Variants in CECR2 observed in about 807,000 individuals in gnomAD.
The protein encoded by CECR2 is CECR2 histone acetyl-lysine reader, also known as chromatin remodeling regulator CECR2.
Under a neutral mutation model 154.5 loss-of-function variants are expected in CECR2, and 30 were observed. The observed-to-expected ratio is 0.19, with a 90% CI of 0.15 to 0.26. The LOEUF is 0.26. Ranked by LOEUF, CECR2 falls within the 10% of genes least tolerant of loss-of-function variation. CECR2 has a pLI of 1.00. For missense variants in CECR2, 1,743 were observed against 1,829.3 expected, an observed-to-expected ratio of 0.95 and a Z score of 0.86; for synonymous variants, 725 against 683.7, an observed-to-expected ratio of 1.06 and a Z score of -0.94.
intron 1 of CECR2, among the ~76,000 whole-genome samples, chr22:17,445,406 A>C (rs1402692588): frequency 6.6e-6 from 1 of 152,116 alleles, no homozygotes; most frequent in Non-Finnish European, 1.5e-5. Flanking sequence ...CTTGCTGTTC[A>C]AAGTGCAGTC....
intron 8 of CECR2, among the ~76,000 whole-genome samples, chr22:17,514,547 C>T (rs2056016796): frequency 6.6e-6 from 1 of 152,160 alleles, no homozygotes. Context: ...AAAATTGCAG[C>T]CTAAGACAGT....
At chr22:17,524,347 G>T (rs758299930) in intron 9 of CECR2, 76 bp downstream of exon 9, 1 of 1,475,858 alleles carries the variant, frequency 6.8e-7, no homozygotes, top group Non-Finnish European at 9.2e-7. Context: ...GCCAACTCAA[G>T]CTAAGTCCTG....
At chr22:17,451,191 A>C (rs1273515864) in intron 1 of CECR2, among the ~76,000 whole-genome samples, 1 of 152,266 alleles carries the variant, frequency 6.6e-6, no homozygotes, top group East Asian at 1.9e-4. Flanking sequence ...TGAGGCTGGC[A>C]GCCTAGGGGC....
intron 1 of CECR2, among the ~76,000 whole-genome samples, chr22:17,403,800 G>A (rs918530450): frequency 3.3e-5 from 5 of 150,750 alleles, no homozygotes; most frequent in African/African-American, 1.2e-4. Flanking sequence ...GGTCACAAAG[G>A]TTTGTTTCTT....
intron 1 of CECR2, among the ~76,000 whole-genome samples, chr22:17,404,364 C>CCTTTTTTTTTTTTTTTT (rs781954770): frequency 6.7e-5 from 4 of 59,606 alleles, no homozygotes; most frequent in African/African-American, 3.0e-4. Context: ...GGACCCTGTT[C>CCTTTTTTTTTTTTTTTT]TTTCTTTTTT....
chr22:17,500,788 T>C lies in CECR2; in HGVS notation c.650+53T>C, dbSNP rs939937861. 1.7e-5 allele frequency: 21 copies of C among 1,225,834 alleles called. No individual in the cohort carries two copies. In the Middle Eastern group the frequency reaches 5.7e-4, roughly 33 times the overall value. 75.9% of individuals were successfully genotyped at this position (1,225,834 alleles called of 1,614,324 possible). On this transcript the variant is annotated intron_variant, in intron 5 of 18. Coordinates refer to ENST00000262608, the MANE Select transcript of CECR2 (RefSeq NM_001290047.2). The stretch of plus-strand genomic sequence containing the variant: ...TAGACCATGGCAGAAGGGACCTTAA[T>C]TCATTTATTCCTTTTTCTTTATTTT...
chr22:17,495,356 G>A (rs1434617482), intron 2 of CECR2, among the ~76,000 whole-genome samples: 1 of 151,844 alleles, frequency 6.6e-6, no homozygotes, highest in Non-Finnish European at 1.5e-5. Flanking sequence ...ATCACCTGAG[G>A]TCAGGAGTTC....
At chr22:17,378,067 T>C (rs2063138193) in intron 1 of CECR2, among the ~76,000 whole-genome samples, 1 of 120,682 alleles carries the variant, frequency 8.3e-6, no homozygotes, top group Non-Finnish European at 1.9e-5. Flanking sequence ...CACTGCAACC[T>C]CCGCCCCCCG....
chr22:17,517,376 T>C (rs1437591692), intron 8 of CECR2, among the ~76,000 whole-genome samples: 2 of 152,230 alleles, frequency 1.3e-5, no homozygotes, highest in Non-Finnish European at 2.9e-5. Context: ...TTAAGCCTCT[T>C]TGCTTCATAT....
chr22:17,462,698 G>A (rs1399629065), intron 1 of CECR2, among the ~76,000 whole-genome samples: 4 of 151,882 alleles, frequency 2.6e-5, no homozygotes, highest in Admixed American at 6.5e-5. Flanking sequence ...GGTGGATCAC[G>A]AGGTCAGGAG....
chr22:17,370,533 A>T (rs888879774), intron 1 of CECR2, among the ~76,000 whole-genome samples: 88 of 152,108 alleles, frequency 5.8e-4, no homozygotes, highest in African/African-American at 1.8e-3. Flanking sequence ...GGACTCCGTT[A>T]TTCTTCCACA....
In CECR2 at chr22:17,548,186, G is replaced by A. The variant is rs1195959398; in HGVS notation, c.2899G>A (p.Val967Ile). Residue 967 changes from valine (V) to isoleucine (I), a missense_variant, in exon 17 of 19, where the codon GTT (valine) becomes ATT (isoleucine). This residue lies in a region of CECR2 where 1,250 missense variants were observed against 1,192.1 expected (regional missense o/e 1.05). Coordinates refer to ENST00000262608, the MANE Select transcript of CECR2 (RefSeq NM_001290047.2). ...LPGLEEKPPG[V>I]GTSEGVYLTQ... The stretch of plus-strand genomic sequence containing the variant: ...TGGCCTTGAAGAGAAACCACCAGGT[G>A]TTGGTACTTCAGAGGGGGTCTACCT... 4.4e-6 allele frequency: 7 copies of A among 1,577,072 alleles called. No homozygotes were observed. The highest frequency in any genetic ancestry group is 5.2e-6 in the Non-Finnish European group (6 of 1,162,026).
chr22:17,545,652 G>A (rs2056602101), intron 16 of CECR2, among the ~76,000 whole-genome samples: 1 of 151,808 alleles, frequency 6.6e-6, no homozygotes, highest in Non-Finnish European at 1.5e-5. Flanking sequence ...AAACTAGCCT[G>A]GCCAACATGG....
At chr22:17,440,969 A>C (rs1298515468) in intron 1 of CECR2, among the ~76,000 whole-genome samples, 1 of 62,242 alleles carries the variant, frequency 1.6e-5, no homozygotes, top group African/African-American at 6.2e-5. Flanking sequence ...GGCAGGGGGC[A>C]GGGGGCGGGA....
Position 17,512,734 on chromosome 22 carries a change from A to AAAAG in CECR2, c.954+842_954+845dup, listed in dbSNP as rs1251776422. On this transcript the variant is annotated intron_variant, in intron 8 of 18. Coordinates refer to ENST00000262608, the MANE Select transcript of CECR2 (RefSeq NM_001290047.2). ...AAAAAAAAAAAAAAAAGAAAGAAAG[A>AAAAG]AAAGAAAACCTGAGAGTTTGTGGCA... 8.6e-5 allele frequency among the ~76,000 whole-genome samples: 13 copies of AAAAG among 150,802 alleles called. No individual in the cohort carries two copies. In the East Asian group the frequency reaches 2.5e-3, roughly 29 times the overall value.
chr22:17,466,439 C>T (rs904340667), intron 1 of CECR2, among the ~76,000 whole-genome samples: 21 of 152,106 alleles, frequency 1.4e-4, no homozygotes, highest in African/African-American at 5.1e-4. Context: ...GAGAGAATTA[C>T]ACTGAAAACC....
At position 17,439,248 on chromosome 22, in the gene CECR2, G is replaced by A. The variant is rs190359552; in HGVS notation, c.127-38340G>A. ...AAAGGGTCAGATATTAAATATTTTA[G>A]GCTCTGAGTGCCAGATAATTTCTGT... On this transcript the variant is annotated intron_variant, in intron 1 of 18. Transcript: ENST00000262608. Among the ~76,000 whole-genome samples, 215 of 150,498 alleles carry A rather than the reference G, an allele frequency of 1.4e-3. 2 individuals carry two copies. The highest frequency in any genetic ancestry group is 2.4e-4 in the Non-Finnish European group (16 of 67,820).
rs1046070631 is a variant in CECR2, at chr22:17,517,893, A to G, written c.954+5997A>G. 3.9e-5 allele frequency among the ~76,000 whole-genome samples: 6 copies of G among 152,356 alleles called. No individual in the cohort carries two copies. The South Asian group carries it at 6.2e-4, about 16-fold the overall frequency. On this transcript the variant is annotated intron_variant, in intron 8 of 18. Transcript: ENST00000262608. Reference sequence around the variant, plus strand: ...AAAACACTTCTCTAGCTGAATATTTAAAACAATAGGAAGCAGTGAGCATAT... The same window carrying G: ...AAAACACTTCTCTAGCTGAATATTTGAAACAATAGGAAGCAGTGAGCATAT...
chr22:17,425,559 A>G (rs1342738919), intron 1 of CECR2, among the ~76,000 whole-genome samples: 1 of 152,194 alleles, frequency 6.6e-6, no homozygotes, highest in Non-Finnish European at 1.5e-5. Flanking sequence ...GAGCAAATAC[A>G]TCTAAATGAG....
Sources: allele counts gnomAD v4.1 joint callset (sites outside exome capture counted in the v4.1 genomes callset), GRCh38; gene constraint gnomAD v4.1.1; regional missense constraint gnomAD v4.1.1; transcripts MANE v1.5; gene names NCBI Gene and HGNC (gene_info 2026-07-23, HGNC 2026-07-21).